The following CNTN4 variants were observed in gnomAD, a reference collection of about 807,000 sequenced individuals.
CNTN4 encodes contactin-4.
A neutral mutation model predicts 122.5 loss-of-function variants in CNTN4; 77 were observed. The observed-to-expected ratio is 0.63, with a 90% CI of 0.52 to 0.76. The LOEUF (loss-of-function observed/expected upper bound fraction) is 0.76. Ranked by LOEUF, CNTN4 falls within the 30% of genes least tolerant of loss-of-function variation. The pLI, the probability that CNTN4 is intolerant of heterozygous loss-of-function variation, is 0.00. For missense variants in CNTN4, 1,256 were observed against 1,259.1 expected, an observed-to-expected ratio of 1.00 and a Z score of 0.04; for synonymous variants, 512 against 447.0, an observed-to-expected ratio of 1.15 and a Z score of -1.83.
intron 4 of CNTN4, among the ~76,000 whole-genome samples, chr3:2,617,664 G>A (rs1333855433): frequency 6.6e-6 from 1 of 151,824 alleles, no homozygotes; most frequent in African/African-American, 2.4e-5. Context: ...CTAGTGATCC[G>A]CCTGTCTCGG....
chr3:2,874,906 A>G (rs1360353932), intron 8 of CNTN4, among the ~76,000 whole-genome samples: 1 of 152,162 alleles, frequency 6.6e-6, no homozygotes, highest in Non-Finnish European at 1.5e-5. Flanking sequence ...TTCTATAGAA[A>G]TGTTGGGTAT....
chr3:2,914,246 A>T (rs547877276), intron 12 of CNTN4, among the ~76,000 whole-genome samples: 1 of 152,338 alleles, frequency 6.6e-6, no homozygotes, highest in South Asian at 2.1e-4. Context: ...ACCACAGGCA[A>T]CTAGAAAAAG....
intron 2 of CNTN4, among the ~76,000 whole-genome samples, chr3:2,271,695 A>G (rs1415827908): frequency 6.6e-6 from 1 of 152,130 alleles, no homozygotes; most frequent in Admixed American, 6.6e-5. Context: ...GTGGTCACTG[A>G]TATTCTACAG....
intron 3 of CNTN4, among the ~76,000 whole-genome samples, chr3:2,351,414 T>C (rs928667505): frequency 5.9e-5 from 9 of 151,732 alleles, no homozygotes; most frequent in African/African-American, 2.2e-4. Flanking sequence ...TTTTCCACAA[T>C]TTTTTTTTCT....
chr3:2,382,148 T>C (rs894759025), intron 3 of CNTN4, among the ~76,000 whole-genome samples: 11 of 151,898 alleles, frequency 7.2e-5, no homozygotes, highest in African/African-American at 2.4e-4. Context: ...AACATTCTTT[T>C]CTTACATTTT....
chr3:2,276,001 G>T (rs554358549), intron 2 of CNTN4, among the ~76,000 whole-genome samples: 1 of 151,344 alleles, frequency 6.6e-6, no homozygotes, highest in Non-Finnish European at 1.5e-5. Flanking sequence ...AAAATCATTG[G>T]TAATTCTAAC....
At chr3:2,171,809 T>C (rs2036528110) in intron 2 of CNTN4, among the ~76,000 whole-genome samples, 1 of 152,228 alleles carries the variant, frequency 6.6e-6, no homozygotes, top group Admixed American at 6.5e-5. Flanking sequence ...CTGAATAGTA[T>C]GTACTGGGCT....
chr3:2,489,419 AC>A (rs2076252209), intron 3 of CNTN4, among the ~76,000 whole-genome samples: 1 of 152,170 alleles, frequency 6.6e-6, no homozygotes, highest in Non-Finnish European at 1.5e-5. Flanking sequence ...CCTCACTCCC[AC>A]ACTTACCCTC....
At chr3:2,608,910 C>A (rs1434599969) in intron 4 of CNTN4, among the ~76,000 whole-genome samples, 1 of 152,198 alleles carries the variant, frequency 6.6e-6, no homozygotes, top group Non-Finnish European at 1.5e-5. Context: ...AATATTCTCT[C>A]TAGTCAGGGG....
chr3:2,192,255 T>A (rs2037607535), intron 2 of CNTN4, among the ~76,000 whole-genome samples: 1 of 152,170 alleles, frequency 6.6e-6, no homozygotes, highest in African/African-American at 2.4e-5. Flanking sequence ...ATTAATGGGA[T>A]GGCTGGGTCA....
chr3:2,151,116 G>C (rs774500989), intron 2 of CNTN4, among the ~76,000 whole-genome samples: 21 of 152,022 alleles, frequency 1.4e-4, no homozygotes, highest in Non-Finnish European at 2.8e-4. Context: ...GTAGAGATGG[G>C]GTTTTGCCAT....
At chr3:2,485,674 A>G (rs2076137770) in intron 3 of CNTN4, among the ~76,000 whole-genome samples, 1 of 152,150 alleles carries the variant, frequency 6.6e-6, no homozygotes, top group Non-Finnish European at 1.5e-5. Context: ...TACACCAATC[A>G]GCACTCTCTG....
intron 2 of CNTN4, among the ~76,000 whole-genome samples, chr3:2,287,095 A>C (rs2041929237): frequency 6.6e-6 from 1 of 152,192 alleles, no homozygotes; most frequent in African/African-American, 2.4e-5. Context: ...TTTACTTAGC[A>C]AGGCTTGTTG....
intron 2 of CNTN4, among the ~76,000 whole-genome samples, chr3:2,225,231 C>T (rs1411047889): frequency 1.4e-5 from 2 of 146,266 alleles, no homozygotes; most frequent in Middle Eastern, 4.1e-3. Context: ...AAACCCAGGT[C>T]CTGCCAGGCG....
chr3:2,777,214 C>A (rs2091358074), intron 6 of CNTN4, among the ~76,000 whole-genome samples: 1 of 152,092 alleles, frequency 6.6e-6, no homozygotes, highest in South Asian at 2.1e-4. Context: ...GGTATTTAAA[C>A]AGAAATTAGT....
At chr3:2,406,940 C>T (rs2047059694) in intron 3 of CNTN4, among the ~76,000 whole-genome samples, 2 of 152,136 alleles carry the variant, frequency 1.3e-5, no homozygotes, top group African/African-American at 2.4e-5. Context: ...ACATTTAACC[C>T]TTCTTAGTAG....
intron 6 of CNTN4, among the ~76,000 whole-genome samples, chr3:2,766,057 C>T (rs1003055994): frequency 6.6e-6 from 1 of 152,132 alleles, no homozygotes; most frequent in South Asian, 2.1e-4. Context: ...AGGCATCCCT[C>T]ATCACCACTC....
chr3:2,710,267 A>G (rs780634632), intron 4 of CNTN4, among the ~76,000 whole-genome samples: 25 of 152,290 alleles, frequency 1.6e-4, no homozygotes, highest in African/African-American at 5.5e-4. Context: ...CCTGTATAGG[A>G]TGTGTGTAAA....
intron 2 of CNTN4, among the ~76,000 whole-genome samples, chr3:2,291,683 C>A (rs1237536513): frequency 2.0e-5 from 3 of 151,538 alleles, no homozygotes; most frequent in Admixed American, 2.0e-4. Context: ...TTTTAAGTGG[C>A]TTATTTGTGT....
Sources: allele counts gnomAD v4.1 joint callset (sites outside exome capture counted in the v4.1 genomes callset), GRCh38; gene constraint gnomAD v4.1.1; transcripts MANE v1.5; gene names NCBI Gene and HGNC (gene_info 2026-07-23, HGNC 2026-07-21).